Variants in PARD3 observed in about 807,000 individuals in gnomAD.
PARD3 encodes the protein par-3 family cell polarity regulator.
Under a neutral mutation model 155.4 loss-of-function variants are expected in PARD3, and 75 were observed. That is an observed-to-expected ratio of 0.48 (90% CI 0.40 to 0.58). The LOEUF (loss-of-function observed/expected upper bound fraction) is 0.58, where lower values mean the gene tolerates loss of function less well. Among genes scored for constraint, PARD3 ranks in the 20% least tolerant of loss-of-function variants. PARD3 has a pLI of 0.00. For missense variants in PARD3, 1,642 were observed against 1,721.7 expected (o/e 0.95, Z 0.82); for synonymous variants, 576 against 610.5 (o/e 0.94, Z 0.83).
At chr10:34,701,865 A>G (rs1164331012) in intron 1 of PARD3, among the ~76,000 whole-genome samples, 5 of 152,120 alleles carry the variant, frequency 3.3e-5, no homozygotes, top group African/African-American at 7.2e-5. Flanking sequence ...CTAAAATATA[A>G]TAATAAAACA....
intron 2 of PARD3, among the ~76,000 whole-genome samples, chr10:34,623,169 G>A (rs1423249426): frequency 6.6e-6 from 1 of 152,158 alleles, no homozygotes; most frequent in Non-Finnish European, 1.5e-5. Flanking sequence ...GGCTTCGACA[G>A]TCGAAAGTGA....
chr10:34,113,719 C>T (rs1265740363), intron 24 of PARD3, among the ~76,000 whole-genome samples: 1 of 152,052 alleles, frequency 6.6e-6, no homozygotes, highest in Non-Finnish European at 1.5e-5. Context: ...AGGCTTAGAG[C>T]AACGTAGATT....
At chr10:34,311,836 C>T (rs1564571990) in intron 20 of PARD3, among the ~76,000 whole-genome samples, 1 of 152,174 alleles carries the variant, frequency 6.6e-6, no homozygotes, top group Non-Finnish European at 1.5e-5. Flanking sequence ...ACTGGTCCAT[C>T]TGGTCATGAA....
In PARD3 at chr10:34,564,006, G is replaced by C. The variant is rs531969486; in HGVS notation, c.223-46847C>G. ...AGATTAATGGTACATCTAATATCCT[G>C]ACACTTAATGCAAATAAAAACTTAC... On this transcript the variant is annotated intron_variant, in intron 2 of 24. Transcript: ENST00000374788. Among the ~76,000 whole-genome samples, 3 of 152,238 alleles carry C rather than the reference G, an allele frequency of 2.0e-5. No individual in the cohort carries two copies. In the South Asian group the frequency reaches 6.2e-4, roughly 32 times the overall value.
chr10:34,309,896 CAA>C (rs552115285), intron 20 of PARD3, among the ~76,000 whole-genome samples: 4 of 95,570 alleles, frequency 4.2e-5, no homozygotes, highest in Non-Finnish European at 5.9e-5. Context: ...ATCAACCATC[CAA>C]AAAAAAAAAA....
At chr10:34,560,255 AT>A (rs977960071) in intron 2 of PARD3, among the ~76,000 whole-genome samples, 2 of 151,980 alleles carry the variant, frequency 1.3e-5, no homozygotes, top group African/African-American at 4.8e-5. Flanking sequence ...TTTACTCTGA[AT>A]TTTTTTTCAA....
chr10:34,407,577 G>A (rs1844625049), intron 5 of PARD3, among the ~76,000 whole-genome samples: 1 of 152,132 alleles, frequency 6.6e-6, no homozygotes, highest in African/African-American at 2.4e-5. Flanking sequence ...ACCAATCAGT[G>A]GTTACTTTTG....
intron 5 of PARD3, among the ~76,000 whole-genome samples, chr10:34,422,905 T>C (rs950715056): frequency 3.3e-5 from 5 of 152,168 alleles, no homozygotes; most frequent in Admixed American, 6.6e-5. Context: ...AGTGCTATTA[T>C]ATGACCTAGC....
rs147436099 is a variant in PARD3 at position 34,284,141 on chromosome 10, T to C, written c.3170A>G (p.Gln1057Arg). ...EEERIRMKQE[Q>R]ERIQAKTREF... Reference sequence around the variant, plus strand: ...TCAAGTAACTGAAGTCTACCTCTCCTGCTCCTGCTTCATTCGTATCCTCTC... The same window carrying C: ...TCAAGTAACTGAAGTCTACCTCTCCCGCTCCTGCTTCATTCGTATCCTCTC... The change falls in exon 21 of 25, where the codon CAG (glutamine) becomes CGG (arginine). Residue 1057 changes from glutamine (Q) to arginine (R), a missense_variant. This residue lies in a region of PARD3 where 1,529 missense variants were observed against 1,587.3 expected (regional missense o/e 0.96). Transcript: ENST00000374788. The C allele has an allele frequency of 1.0e-5, 16 of 1,579,570 alleles. No individual in the cohort carries two copies. Among genetic ancestry groups the C allele is most frequent in the African/African-American group, 6.8e-5 (5 of 73,852 alleles).
At chr10:34,334,473 T>C (rs1835943955) in intron 18 of PARD3, among the ~76,000 whole-genome samples, 2 of 151,820 alleles carry the variant, frequency 1.3e-5, no homozygotes, top group Admixed American at 6.6e-5. Flanking sequence ...AATGCCACTA[T>C]GATTCTCCCA....
At chr10:34,530,428 T>C (rs2082767509) in intron 2 of PARD3, among the ~76,000 whole-genome samples, 1 of 152,204 alleles carries the variant, frequency 6.6e-6, no homozygotes, top group Non-Finnish European at 1.5e-5. Context: ...GTCTCTGTCT[T>C]CTTCCTCATG....
intron 2 of PARD3, among the ~76,000 whole-genome samples, chr10:34,528,016 A>C (rs561288939): frequency 1.3e-5 from 2 of 152,344 alleles, no homozygotes; most frequent in African/African-American, 2.4e-5. Flanking sequence ...CTAAATAATA[A>C]AATTCTTTTT....
At chr10:34,662,005 A>C (rs2093337192) in intron 2 of PARD3, among the ~76,000 whole-genome samples, 2 of 152,166 alleles carry the variant, frequency 1.3e-5, no homozygotes, top group South Asian at 4.1e-4. Flanking sequence ...AGATGGTTAA[A>C]TTCTGCTCCT....
chr10:34,359,349 T>C, intron 13 of PARD3, 32 bp from the exon 14 acceptor site: 1 of 1,492,836 alleles, frequency 6.7e-7, no homozygotes, highest in Non-Finnish European at 9.2e-7. Flanking sequence ...ATAAGTGCTA[T>C]TAAACAGACT....
chr10:34,502,812 G>GA (rs2080807298), intron 3 of PARD3, among the ~76,000 whole-genome samples: 1 of 152,078 alleles, frequency 6.6e-6, no homozygotes, highest in Non-Finnish European at 1.5e-5. Flanking sequence ...CACTTTTGAA[G>GA]AAAAGAGAAG....
intron 3 of PARD3, among the ~76,000 whole-genome samples, chr10:34,511,321 T>C (rs924703455): frequency 2.0e-5 from 3 of 152,242 alleles, no homozygotes; most frequent in African/African-American, 4.8e-5. Context: ...TGTTTGGTTG[T>C]CTCTCCTTGA....
chr10:34,649,600 T>C (rs2092946412), intron 2 of PARD3, among the ~76,000 whole-genome samples: 1 of 152,256 alleles, frequency 6.6e-6, no homozygotes, highest in South Asian at 2.1e-4. Context: ...GAAGTTGCCC[T>C]GGGTGAGTGA....
intron 1 of PARD3, among the ~76,000 whole-genome samples, chr10:34,780,689 G>A (rs1169981203): frequency 6.6e-6 from 1 of 152,106 alleles, no homozygotes; most frequent in Non-Finnish European, 1.5e-5. Context: ...CTTTTCTCTT[G>A]CCGCAGTTTT....
chr10:34,499,827 C>T (rs1179920052), intron 3 of PARD3, among the ~76,000 whole-genome samples: 3 of 152,154 alleles, frequency 2.0e-5, no homozygotes, highest in Non-Finnish European at 4.4e-5. Context: ...GTCCCAGATG[C>T]CTGAGAATGC....
Sources: gnomAD v4.1 joint callset for allele counts (sites outside exome capture counted in the v4.1 genomes callset) on GRCh38, gnomAD v4.1.1 for gene constraint, gnomAD v4.1.1 regional missense constraint, MANE v1.5 for transcripts, NCBI Gene and HGNC (gene_info 2026-07-23, HGNC 2026-07-21) for gene names.